Variants in SEC22A observed in about 807,000 individuals in gnomAD.
The protein encoded by SEC22A is SEC22 homolog A, vesicle trafficking protein, also known as vesicle-trafficking protein SEC22a.
SEC22A carries 22 observed loss-of-function variants against 35.3 expected under a neutral mutation model. The observed-to-expected ratio is 0.62, with a 90% CI of 0.45 to 0.89. The LOEUF is 0.89. Among genes scored for constraint, SEC22A ranks in the 40% least tolerant of loss-of-function variants. The probability of loss-of-function intolerance (pLI) is 0.00; values close to 1 mark genes in which losing one functional copy is unlikely to be tolerated. For synonymous variants in SEC22A, 119 were observed against 129.5 expected (o/e 0.92, Z 0.55); for missense variants, 354 against 362.5 (o/e 0.98, Z 0.19).
rs538205798 is a variant in SEC22A, at chr3:123,224,286, G to A, written c.346+564G>A. Among the ~76,000 whole-genome samples the A allele has an allele frequency of 2.6e-5, 4 of 151,802 alleles. No homozygotes were observed. The East Asian group carries it at 7.7e-4, about 29-fold the overall frequency. On this transcript the variant is annotated intron_variant, in intron 3 of 6. Coordinates refer to ENST00000492595, the MANE Select transcript of SEC22A (RefSeq NM_012430.5). Reference sequence around the variant, plus strand: ...GAAGAAAAAAAAAAAACACCATGTTGTAAATAGTAAAAATAAAATTCCACT... The same window carrying A: ...GAAGAAAAAAAAAAAACACCATGTTATAAATAGTAAAAATAAAATTCCACT...
chr3:123,257,745 C>T (rs574622866), intron 5 of SEC22A, among the ~76,000 whole-genome samples: 2 of 152,070 alleles, frequency 1.3e-5, no homozygotes, highest in African/African-American at 4.8e-5. Context: ...AATCCCAGCA[C>T]TTTGGGAGGC....
chr3:123,270,019 C>G (rs1341901481), intron 6 of SEC22A, among the ~76,000 whole-genome samples: 3 of 152,202 alleles, frequency 2.0e-5, no homozygotes, highest in South Asian at 2.1e-4. Context: ...AGATTAGATT[C>G]TGGACCAGAA....
At chr3:123,210,672 C>T (rs984394507) in intron 2 of SEC22A, among the ~76,000 whole-genome samples, 3 of 152,100 alleles carry the variant, frequency 2.0e-5, no homozygotes, top group Non-Finnish European at 4.4e-5. Flanking sequence ...AAAGCTTAGA[C>T]GTGAAACAAT....
intron 5 of SEC22A, among the ~76,000 whole-genome samples, chr3:123,251,607 G>A (rs2108085353): frequency 6.6e-6 from 1 of 152,110 alleles, no homozygotes; most frequent in South Asian, 2.1e-4. Context: ...AGAGGAGCAA[G>A]GAAACAACAG....
intron 4 of SEC22A, among the ~76,000 whole-genome samples, chr3:123,228,867 A>G (rs1001555030): frequency 2.6e-5 from 4 of 152,194 alleles, no homozygotes; most frequent in African/African-American, 9.6e-5. Context: ...TACTAAAATG[A>G]AAAATTCACT....
At chr3:123,208,058 C>T (rs9844086) in intron 1 of SEC22A, among the ~76,000 whole-genome samples, 29,860 of 152,064 alleles carry the variant, frequency 0.2, 3,034 homozygotes, top group Middle Eastern at 0.28. Context: ...GCATCTTTTT[C>T]TGCATCCGTT....
At chr3:123,249,912 C>CAA (rs1308995233) in intron 5 of SEC22A, among the ~76,000 whole-genome samples, 2 of 151,996 alleles carry the variant, frequency 1.3e-5, no homozygotes, top group African/African-American at 4.8e-5. Flanking sequence ...GGGAACAAAA[C>CAA]AAAAAAGACC....
intron 4 of SEC22A, among the ~76,000 whole-genome samples, chr3:123,236,802 A>G (rs1243223162): frequency 1.3e-5 from 2 of 149,948 alleles, no homozygotes; most frequent in Admixed American, 6.7e-5. Context: ...AACATAGACC[A>G]TAAGAAACAC....
Position 123,245,947 on chromosome 3 carries a change from T to C in SEC22A, c.590T>C (p.Ile197Thr). The change falls in exon 5 of 7, where the codon ATC becomes ACC. Residue 197 changes from isoleucine (I) to threonine (T), a missense_variant. By Grantham distance (89) the Ile-to-Thr change is moderately conservative (BLOSUM62 -1). Transcript: ENST00000492595. ...PATLSGIVGFILSLLCGALNL... is the reference protein window; with the variant it reads ...PATLSGIVGFTLSLLCGALNL... ...ACTCTGTCAGGGATTGTAGGATTTATCCTTAGTCTTTTATGTGGAGCTCTG... is the reference window on the plus strand; with the variant it reads ...ACTCTGTCAGGGATTGTAGGATTTACCCTTAGTCTTTTATGTGGAGCTCTG... The C allele has an allele frequency of 6.2e-7, 1 of 1,613,426 alleles. No individual in the cohort carries two copies. The highest frequency in any genetic ancestry group is 8.5e-7 in the Non-Finnish European group (1 of 1,179,418).
chr3:123,221,490 A>T (rs961563725), intron 2 of SEC22A, among the ~76,000 whole-genome samples: 3 of 151,274 alleles, frequency 2.0e-5, no homozygotes, highest in African/African-American at 4.9e-5. Context: ...AAAAAAAAAA[A>T]AAAAGATTAC....
chr3:123,261,125 G>A (rs879887362), intron 6 of SEC22A, among the ~76,000 whole-genome samples: 9 of 151,860 alleles, frequency 5.9e-5, no homozygotes, highest in Non-Finnish European at 1.0e-4. Flanking sequence ...GTGAGCCACC[G>A]CGCCTGACCA....
At chr3:123,227,189 T>C (rs1051090337) in intron 4 of SEC22A, among the ~76,000 whole-genome samples, 1 of 151,994 alleles carries the variant, frequency 6.6e-6, no homozygotes, top group African/African-American at 2.4e-5. Flanking sequence ...TCAGACTATT[T>C]GTTTAAGAAA....
At chr3:123,217,786 T>C (rs1218793821) in intron 2 of SEC22A, among the ~76,000 whole-genome samples, 5 of 152,208 alleles carry the variant, frequency 3.3e-5, no homozygotes, top group African/African-American at 1.2e-4. Context: ...TATGTATATA[T>C]CTTGGTTTGT....
intron 4 of SEC22A, among the ~76,000 whole-genome samples, chr3:123,231,854 A>G (rs1348797169): frequency 1.3e-5 from 2 of 152,228 alleles, no homozygotes; most frequent in East Asian, 3.8e-4. Flanking sequence ...ATAGGAAAAC[A>G]GTAGAGAAAA....
At chr3:123,230,974 T>TA (rs1937315860) in intron 4 of SEC22A, among the ~76,000 whole-genome samples, 1 of 151,924 alleles carries the variant, frequency 6.6e-6, no homozygotes, top group South Asian at 2.1e-4. Flanking sequence ...AGTCAAAGGA[T>TA]AAAAAAAGAT....
At chr3:123,246,788 T>C (rs996742965) in intron 5 of SEC22A, among the ~76,000 whole-genome samples, 2 of 149,900 alleles carry the variant, frequency 1.3e-5, no homozygotes, top group Non-Finnish European at 2.9e-5. Flanking sequence ...CAGTCCTCTT[T>C]TTTTGGTCAG....
intron 2 of SEC22A, among the ~76,000 whole-genome samples, chr3:123,222,121 T>C (rs1937133282): frequency 2.3e-5 from 1 of 43,270 alleles, no homozygotes; most frequent in Admixed American, 3.9e-4. Context: ...ATATGCTTTA[T>C]AGCATTTTTT....
intron 4 of SEC22A, among the ~76,000 whole-genome samples, chr3:123,242,430 T>C (rs1937532421): frequency 6.6e-6 from 1 of 152,202 alleles, no homozygotes; most frequent in African/African-American, 2.4e-5. Flanking sequence ...CCCTTTTGTT[T>C]GCCACATCTA....
At chr3:123,222,192 A>G (rs1247794523) in intron 2 of SEC22A, among the ~76,000 whole-genome samples, 2 of 150,356 alleles carry the variant, frequency 1.3e-5, no homozygotes, top group East Asian at 3.9e-4. Flanking sequence ...TTTAGTCGTC[A>G]TATCTCTTTA....
Sources: gnomAD v4.1 joint callset for allele counts (sites outside exome capture counted in the v4.1 genomes callset) on GRCh38, gnomAD v4.1.1 for gene constraint, MANE v1.5 for transcripts, NCBI Gene and HGNC (gene_info 2026-07-23, HGNC 2026-07-21) for gene names.